Variants in SH3RF2 observed in about 807,000 individuals in gnomAD.
The protein encoded by SH3RF2 is SH3 domain containing ring finger 2, also known as E3 ubiquitin-protein ligase SH3RF2.
Under a neutral mutation model 59.0 loss-of-function variants are expected in SH3RF2, and 43 were observed. The observed-to-expected ratio is 0.73, with a 90% confidence interval of 0.57 to 0.94. The LOEUF (loss-of-function observed/expected upper bound fraction) is 0.94. Among genes scored for constraint, SH3RF2 ranks in the 40% least tolerant of loss-of-function variants. The pLI is 0.00. For missense variants in SH3RF2, 930 were observed against 940.1 expected (o/e 0.99, Z 0.14); for synonymous variants, 391 against 391.5 (o/e 1.00, Z 0.01).
intron 7 of SH3RF2, among the ~76,000 whole-genome samples, chr5:146,055,319 GT>G: frequency 6.6e-6 from 1 of 152,116 alleles, no homozygotes; most frequent in South Asian, 2.1e-4. Flanking sequence ...AAGTCTTTGT[GT>G]TTTTTTATTT....
exon 10 of SH3RF2, chr5:146,079,378 A>C (rs1037123858): frequency 6.6e-6 from 1 of 152,236 alleles, no homozygotes; most frequent in Non-Finnish European, 1.5e-5. Flanking sequence ...AAATTCATAT[A>C]TACCGTGATG....
intron 9 of SH3RF2, among the ~76,000 whole-genome samples, chr5:146,074,750 T>A (rs1272249066): frequency 6.6e-6 from 1 of 152,092 alleles, no homozygotes; most frequent in African/African-American, 2.4e-5. Context: ...GAGTCTCTTC[T>A]CTTCCTCCCT....
intron 2 of SH3RF2, among the ~76,000 whole-genome samples, chr5:145,969,847 T>C (rs1759006947): frequency 6.6e-6 from 1 of 152,166 alleles, no homozygotes; most frequent in Admixed American, 6.5e-5. Context: ...GTGATCAATA[T>C]ACACTGTAGT....
chr5:145,959,001 A>T (rs1394675028), intron 2 of SH3RF2, among the ~76,000 whole-genome samples: 1 of 152,192 alleles, frequency 6.6e-6, no homozygotes, highest in African/African-American at 2.4e-5. Context: ...GAGCCTCAAA[A>T]AGCAGTTTCC....
At chr5:146,023,033 G>C (rs1189392591) in intron 5 of SH3RF2, among the ~76,000 whole-genome samples, 1 of 151,622 alleles carries the variant, frequency 6.6e-6, no homozygotes, top group Non-Finnish European at 1.5e-5. Flanking sequence ...ATTGCATTGA[G>C]TTAATATGGC....
intron 4 of SH3RF2, among the ~76,000 whole-genome samples, chr5:146,009,986 G>A (rs1198620093): frequency 2.0e-5 from 3 of 151,938 alleles, no homozygotes; most frequent in East Asian, 1.9e-4. Context: ...CCATTAACTC[G>A]TCATTTACAT....
intron 2 of SH3RF2, among the ~76,000 whole-genome samples, chr5:145,982,267 T>C (rs1351679303): frequency 6.6e-6 from 1 of 152,216 alleles, no homozygotes; most frequent in Non-Finnish European, 1.5e-5. Context: ...AGGATATTCA[T>C]AAACATTCAT....
chr5:146,018,706 T>C (rs562245071), intron 5 of SH3RF2, among the ~76,000 whole-genome samples: 8 of 152,312 alleles, frequency 5.3e-5, no homozygotes, highest in Non-Finnish European at 1.0e-4. Context: ...GAGAGCTCCA[T>C]ACTGTTTTCC....
chr5:145,959,852 G>C (rs761528697), intron 2 of SH3RF2, among the ~76,000 whole-genome samples: 8 of 151,938 alleles, frequency 5.3e-5, no homozygotes, highest in Non-Finnish European at 1.0e-4. Context: ...GTCAACCTGC[G>C]TTAGCCTCCA....
chr5:146,000,031 A>C, intron 2 of SH3RF2, 27 bp from the exon 3 acceptor site: 1 of 1,608,984 alleles, frequency 6.2e-7, no homozygotes, highest in East Asian at 2.2e-5. Context: ...AGCTAAGTAC[A>C]TATCTTATTG....
intron 2 of SH3RF2, among the ~76,000 whole-genome samples, chr5:145,961,315 T>C (rs2149954049): frequency 6.6e-6 from 1 of 152,132 alleles, no homozygotes; most frequent in South Asian, 2.1e-4. Flanking sequence ...TGGTGACTAA[T>C]TAGAATTTTC....
chr5:146,056,329 C>A, intron 8 of SH3RF2, 116 bp downstream of exon 8: 1 of 1,465,770 alleles, frequency 6.8e-7, no homozygotes, highest in Non-Finnish European at 9.2e-7. Context: ...TAAGCCCCTG[C>A]AAAGGGTATT....
At position 145,991,902 on chromosome 5, in the gene SH3RF2, G is replaced by C. The variant is rs1759948345; in HGVS notation, c.379-8156G>C. On this transcript the variant is annotated intron_variant, in intron 2 of 9. Coordinates refer to ENST00000359120, the MANE Select transcript of SH3RF2 (RefSeq NM_152550.4). ...CCATTCATTGCCCCCATTTGAGTTA[G>C]AATAAGATATAGCTTAGACCTACAG... is the stretch of plus-strand genomic sequence containing the variant. Among the ~76,000 whole-genome samples, 3 of 152,284 alleles carry C rather than the reference G, an allele frequency of 2.0e-5. No homozygotes were observed. The South Asian group carries it at 6.2e-4, about 32-fold the overall frequency.
chr5:146,002,473 GAA>G (rs1760459101), intron 3 of SH3RF2, among the ~76,000 whole-genome samples: 1 of 28,900 alleles, frequency 3.5e-5, no homozygotes, highest in South Asian at 1.9e-3. Flanking sequence ...GAAAGAAAAG[GAA>G]GGAAGGAAGG....
intron 2 of SH3RF2, among the ~76,000 whole-genome samples, chr5:145,977,389 A>G (rs1759335967): frequency 6.6e-6 from 1 of 152,228 alleles, no homozygotes; most frequent in Non-Finnish European, 1.5e-5. Flanking sequence ...AATAAAAGCT[A>G]GTACCTATTG....
chr5:146,041,010 T>C (rs1300858795), intron 5 of SH3RF2, among the ~76,000 whole-genome samples: 2 of 152,162 alleles, frequency 1.3e-5, no homozygotes, highest in Non-Finnish European at 2.9e-5. Flanking sequence ...ACATGCCTCC[T>C]CCGTATGACC....
intron 5 of SH3RF2, among the ~76,000 whole-genome samples, chr5:146,026,071 A>G (rs1277833795): frequency 6.6e-6 from 1 of 152,186 alleles, no homozygotes. Flanking sequence ...AATCTAAATG[A>G]TCATTCCAAT....
rs538587935 is a variant in SH3RF2, at chr5:146,038,882, G to A, written c.1060-8890G>A. Among the ~76,000 whole-genome samples the A allele has an allele frequency of 3.3e-5, 5 of 152,330 alleles. No homozygotes were observed. The South Asian group carries it at 6.2e-4, about 19-fold the overall frequency. ...CTTCTGACGAAGAAGATGGAATTTG[G>A]TTGGGGTAAAGAATTGGACTTACCC... On this transcript the variant is annotated intron_variant, in intron 5 of 9. Transcript: ENST00000359120.
intron 2 of SH3RF2, among the ~76,000 whole-genome samples, chr5:145,959,615 ATGTGTG>A (rs35295719): frequency 0.013 from 1,912 of 145,478 alleles, 12 homozygotes; most frequent in African/African-American, 0.03. Context: ...CTATATATAT[ATGTGTG>A]TGTGTGTGTG....
Sources: allele counts gnomAD v4.1 joint callset (sites outside exome capture counted in the v4.1 genomes callset), GRCh38; gene constraint gnomAD v4.1.1; transcripts MANE v1.5; gene names NCBI Gene and HGNC (gene_info 2026-07-23, HGNC 2026-07-21).